The following DPP6 variants were observed in gnomAD, a reference collection of about 807,000 sequenced individuals.
DPP6 encodes the protein dipeptidyl peptidase like 6.
Under a neutral mutation model 122.6 loss-of-function variants are expected in DPP6, and 69 were observed. The observed-to-expected ratio is 0.56, with a 90% CI of 0.46 to 0.69. DPP6 has a LOEUF of 0.69. Among genes scored for constraint, DPP6 ranks in the 30% least tolerant of loss-of-function variants. The pLI, the probability that DPP6 is intolerant of heterozygous loss-of-function variation, is 0.00. For missense variants in DPP6, 928 were observed against 1,116.9 expected (o/e 0.83, Z 2.41); for synonymous variants, 418 against 433.1 (o/e 0.97, Z 0.43).
At chr7:154,451,416 G>A (rs564144429) in intron 2 of DPP6, among the ~76,000 whole-genome samples, 14 of 149,106 alleles carry the variant, frequency 9.4e-5, no homozygotes, top group African/African-American at 2.7e-4. Context: ...TTCTTACACC[G>A]AAATGTCCAC....
chr7:154,705,997 C>T (rs993411323), intron 7 of DPP6, among the ~76,000 whole-genome samples: 1 of 152,210 alleles, frequency 6.6e-6, no homozygotes, highest in African/African-American at 2.4e-5. Context: ...AGATGTCCCC[C>T]CTCTACTCGG....
chr7:153,794,993 G>A, the DPP6 span, among the ~76,000 whole-genome samples: 2 of 152,090 alleles, frequency 1.3e-5, no homozygotes, highest in Non-Finnish European at 2.9e-5. Context: ...TTTCTTCCTA[G>A]TCTTGGGTAT....
intron 1 of DPP6, among the ~76,000 whole-genome samples, chr7:154,436,178 G>A (rs1011016005): frequency 6.6e-5 from 10 of 150,924 alleles, no homozygotes; most frequent in Admixed American, 2.6e-4. Flanking sequence ...CCAGTGGCAC[G>A]GTCCACGAGG....
At chr7:154,357,802 C>A (rs1469019836) in intron 1 of DPP6, among the ~76,000 whole-genome samples, 1 of 151,960 alleles carries the variant, frequency 6.6e-6, no homozygotes, top group Non-Finnish European at 1.5e-5. Flanking sequence ...ATTAGCTGGG[C>A]CCGATGGCAC....
chr7:154,513,106 T>G (rs1826213531), intron 3 of DPP6, among the ~76,000 whole-genome samples: 1 of 152,212 alleles, frequency 6.6e-6, no homozygotes, highest in Non-Finnish European at 1.5e-5. Context: ...TTCTTCTTCC[T>G]TCTCTTTATC....
chr7:154,173,188 A>G (rs1797622554), intron 1 of DPP6, among the ~76,000 whole-genome samples: 1 of 152,212 alleles, frequency 6.6e-6, no homozygotes, highest in South Asian at 2.1e-4. Flanking sequence ...AATAACAATA[A>G]CATTACCAGT....
intron 1 of DPP6, among the ~76,000 whole-genome samples, chr7:154,250,651 T>C (rs1387656996): frequency 6.6e-6 from 1 of 152,198 alleles, no homozygotes; most frequent in East Asian, 1.9e-4. Flanking sequence ...GAAAAAAATG[T>C]CTTGCCTGTT....
chr7:154,613,663 G>A (rs1834052557), intron 5 of DPP6, among the ~76,000 whole-genome samples: 1 of 135,006 alleles, frequency 7.4e-6, no homozygotes, highest in Non-Finnish European at 1.5e-5. Flanking sequence ...AGTAGATGAA[G>A]CAAGTTGCTC....
intron 1 of DPP6, among the ~76,000 whole-genome samples, chr7:154,193,314 G>C (rs1798705389): frequency 6.6e-6 from 1 of 152,238 alleles, no homozygotes; most frequent in Non-Finnish European, 1.5e-5. Context: ...GTGTGTAGTA[G>C]ATAGATTCCT....
At chr7:153,838,901 G>T in the DPP6 span, among the ~76,000 whole-genome samples, 3 of 151,646 alleles carry the variant, frequency 2.0e-5, no homozygotes, top group African/African-American at 7.3e-5. Flanking sequence ...AAAATTAGGA[G>T]CATTCCTGGC....
chr7:154,042,159 G>A (rs1799800099), intron 1 of DPP6, among the ~76,000 whole-genome samples: 1 of 152,168 alleles, frequency 6.6e-6, no homozygotes, highest in Non-Finnish European at 1.5e-5. Context: ...TGGCAGGCCA[G>A]GGGAGGGGTC....
intron 5 of DPP6, among the ~76,000 whole-genome samples, chr7:154,576,528 TGAAA>T (rs1392149848): frequency 6.6e-6 from 1 of 152,178 alleles, no homozygotes; most frequent in Non-Finnish European, 1.5e-5. Context: ...CTAGGCCTAG[TGAAA>T]GAATCACTGA....
intron 1 of DPP6, among the ~76,000 whole-genome samples, chr7:154,054,441 T>C (rs372115301): frequency 3.9e-5 from 6 of 152,030 alleles, no homozygotes; most frequent in African/African-American, 1.4e-4. Flanking sequence ...GTGGAAACTT[T>C]AATGGAGATC....
intron 7 of DPP6, among the ~76,000 whole-genome samples, chr7:154,674,582 C>T (rs1385440256): frequency 1.3e-5 from 2 of 152,284 alleles, no homozygotes; most frequent in Middle Eastern, 3.4e-3. Context: ...CTGGTACACT[C>T]GGAAGATCAG....
chr7:154,818,984 G>T (rs886812231), intron 16 of DPP6, among the ~76,000 whole-genome samples: 1 of 152,164 alleles, frequency 6.6e-6, no homozygotes, highest in East Asian at 1.9e-4. Flanking sequence ...CATCTTCCAT[G>T]GAAAAGAAGC....
rs1795737720 is a variant in DPP6 at position 153,966,553 on chromosome 7, GC to G, written c.51+78820del. 1.2e-4 allele frequency among the ~76,000 whole-genome samples: 7 copies of G among 57,630 alleles called. 1 individual carries two copies. The highest frequency in any genetic ancestry group is 7.7e-4 in the East Asian group (1 of 1,292). The allele number at this position is 57,630 out of a possible 152,430, so 37.8% of individuals were successfully genotyped here. ...TAATTAAACGGTCTGTCCTGTGTTG[GC>G]TTTTTTTTTTTTTTTTTTTTTTTTT... On this transcript the variant is annotated intron_variant, in intron 1 of 25. Transcript: ENST00000404039.
At chr7:154,825,202 T>C (rs937898038) in intron 16 of DPP6, among the ~76,000 whole-genome samples, 11 of 152,200 alleles carry the variant, frequency 7.2e-5, no homozygotes, top group African/African-American at 2.4e-4. Flanking sequence ...CACTTGGTCA[T>C]TAAGAAATCA....
At chr7:153,870,127 T>C in the DPP6 span, among the ~76,000 whole-genome samples, 29,374 of 152,120 alleles carry the variant, frequency 0.19, 2,907 homozygotes, top group South Asian at 0.26. Context: ...CAATTATGTG[T>C]CTTGGAGTTG....
the DPP6 span, among the ~76,000 whole-genome samples, chr7:153,838,658 AT>A: frequency 6.6e-6 from 1 of 152,216 alleles, no homozygotes; most frequent in African/African-American, 2.4e-5. Flanking sequence ...TATAGTAAGT[AT>A]TTTATGTCAC....
Sources: gnomAD v4.1 joint callset for allele counts (sites outside exome capture counted in the v4.1 genomes callset) on GRCh38, gnomAD v4.1.1 for gene constraint, MANE v1.5 for transcripts, NCBI Gene and HGNC (gene_info 2026-07-23, HGNC 2026-07-21) for gene names.